Variants in CDH11 observed in about 807,000 individuals in gnomAD.
CDH11 encodes the protein cadherin-11.
CDH11 carries 11 observed loss-of-function variants against 67.8 expected under a neutral mutation model. The observed-to-expected ratio is 0.16, with a 90% CI of 0.10 to 0.27. CDH11 has a LOEUF of 0.27. Among genes scored for constraint, CDH11 ranks in the 10% least tolerant of loss-of-function variants. CDH11 has a pLI of 1.00. For synonymous variants in CDH11, 419 were observed against 400.0 expected (o/e 1.05, Z -0.57); for missense variants, 847 against 1,031.2 (o/e 0.82, Z 2.45).
intron 1 of CDH11, among the ~76,000 whole-genome samples, chr16:65,075,012 C>T (rs1490156698): frequency 6.6e-6 from 1 of 152,162 alleles, no homozygotes; most frequent in African/African-American, 2.4e-5. Flanking sequence ...ATCTTACACT[C>T]TCTAGAACAT....
intron 12 of CDH11, 103 bp downstream of exon 12, chr16:64,950,664 T>A (rs1007057130): frequency 1.9e-6 from 2 of 1,044,278 alleles, no homozygotes; most frequent in Non-Finnish European, 2.6e-6. Context: ...TCGACAGTCA[T>A]AACAGGGTCC....
At position 64,946,361 on chromosome 16, in the gene CDH11, T is replaced by TG. The variant is rs35874660; in HGVS notation, c.*1241dup. ...TCCCCCAGTTCCCCAGTGCTCAGTGTGGGGCATAGAATGTATACCTGGAAC... is the reference window on the plus strand; with the variant it reads ...TCCCCCAGTTCCCCAGTGCTCAGTGTGGGGGCATAGAATGTATACCTGGAAC... On this transcript the variant is annotated 3_prime_UTR_variant, in exon 13 of 13. Transcript: ENST00000268603. 309,403 of 1,036,978 alleles carry TG rather than the reference T, an allele frequency of 0.3. 48,471 individuals are homozygous for TG. Among genetic ancestry groups the TG allele is most frequent in the East Asian group, 0.34 (5,957 of 17,306 alleles). The allele number at this position is 1,036,978 out of a possible 1,614,324, so 64.2% of individuals were successfully genotyped here.
chr16:65,060,352 T>G (rs74026238), intron 1 of CDH11, among the ~76,000 whole-genome samples: 16,778 of 137,084 alleles, frequency 0.12, 1,134 homozygotes, highest in Admixed American at 0.24. Context: ...TATATATATA[T>G]ATAGAGAGAG....
chr16:64,961,825 C>CA (rs1276778724), intron 11 of CDH11, among the ~76,000 whole-genome samples: 1 of 151,988 alleles, frequency 6.6e-6, no homozygotes, highest in Non-Finnish European at 1.5e-5. Flanking sequence ...TTGTTAGAAT[C>CA]AAAAAATTGT....
At chr16:64,970,354 A>C (rs183887226) in intron 11 of CDH11, among the ~76,000 whole-genome samples, 1 of 152,310 alleles carries the variant, frequency 6.6e-6, no homozygotes, top group Non-Finnish European at 1.5e-5. Context: ...TTTAATCATC[A>C]GCACGAAAGG....
chr16:64,994,464 G>A (rs990477737), intron 4 of CDH11, among the ~76,000 whole-genome samples: 1 of 152,090 alleles, frequency 6.6e-6, no homozygotes, highest in Admixed American at 6.5e-5. Flanking sequence ...GGTTGCCTGG[G>A]TTCGTAAGGC....
intron 2 of CDH11, among the ~76,000 whole-genome samples, chr16:65,045,303 T>G (rs952989699): frequency 7.3e-6 from 1 of 137,112 alleles, no homozygotes; most frequent in Non-Finnish European, 1.6e-5. Context: ...TGTGACCAAG[T>G]TTTTAAAAAT....
chr16:65,113,161 C>CTA (rs1209531231), intron 1 of CDH11, among the ~76,000 whole-genome samples: 5 of 151,910 alleles, frequency 3.3e-5, no homozygotes, highest in Admixed American at 1.3e-4. Flanking sequence ...TGGCACGTGC[C>CTA]TATAGTCTCA....
chr16:65,079,381 T>A (rs2074570820), intron 1 of CDH11, among the ~76,000 whole-genome samples: 1 of 152,236 alleles, frequency 6.6e-6, no homozygotes, highest in Admixed American at 6.5e-5. Context: ...AAATTAATGT[T>A]TTTTCTCAAG....
At chr16:65,114,400 G>T (rs370945938) in intron 1 of CDH11, among the ~76,000 whole-genome samples, 1 of 152,162 alleles carries the variant, frequency 6.6e-6, no homozygotes, top group Non-Finnish European at 1.5e-5. Context: ...TTTAGAGTCA[G>T]AGCAGGTTTG....
intron 2 of CDH11, among the ~76,000 whole-genome samples, chr16:65,021,889 A>AAAG (rs2073433783): frequency 6.6e-6 from 1 of 151,050 alleles, no homozygotes. Context: ...AAAAAAAAAA[A>AAAG]AAAAGAAAGA....
At chr16:65,123,518 C>A (rs2142910782), upstream of CDH11, among the ~76,000 whole-genome samples, 1 of 152,068 alleles carries the variant, frequency 6.6e-6, no homozygotes, top group East Asian at 2.0e-4. Context: ...GGGAAGGAAC[C>A]CCAGTGCGGG....
chr16:64,968,001 C>T (rs2071889771), intron 11 of CDH11, among the ~76,000 whole-genome samples: 1 of 152,168 alleles, frequency 6.6e-6, no homozygotes, highest in Non-Finnish European at 1.5e-5. Flanking sequence ...GAATTTGCCT[C>T]TTCTGAGGAT....
In CDH11 at chr16:64,945,918, C is replaced by T. The variant is rs1439791472; in HGVS notation, c.*1685G>A. 1 of 1,058,090 alleles carries T rather than the reference C, an allele frequency of 9.5e-7. No homozygotes were observed. Among genetic ancestry groups the T allele is most frequent in the East Asian group, 5.2e-5 (1 of 19,162 alleles). The allele number at this position is 1,058,090 out of a possible 1,614,324, so 65.5% of individuals were successfully genotyped here. ...TGTGTGTAGGGGGAAAGAGGGAAAG[C>T]ACTTGCAGTGTGACTTTATGTGGTC... On this transcript the variant is annotated 3_prime_UTR_variant, in exon 13 of 13. Transcript: ENST00000268603.
In CDH11 at chr16:64,947,206, A is replaced by T; in HGVS notation, c.*397T>A. 1 of 1,080,240 alleles carries T rather than the reference A, an allele frequency of 9.3e-7. No homozygotes were observed. Among genetic ancestry groups the T allele is most frequent in the Non-Finnish European group, 1.1e-6 (1 of 886,772 alleles). The allele number at this position is 1,080,240 out of a possible 1,614,324, so 66.9% of individuals were successfully genotyped here. ...AGTGTCCAGAGTTTAAGGCGAAATT[A>T]CAGCTCAGAACTGTTGTCCTTTCTA... On this transcript the variant is annotated 3_prime_UTR_variant, in exon 13 of 13. Coordinates refer to ENST00000268603, the MANE Select transcript of CDH11 (RefSeq NM_001797.4).
chr16:65,097,136 A>G (rs574804220), intron 1 of CDH11, among the ~76,000 whole-genome samples: 114 of 152,338 alleles, frequency 7.5e-4, no homozygotes, highest in African/African-American at 2.7e-3. Flanking sequence ...AGACAAACAC[A>G]CACAAACTCA....
chr16:65,113,458 T>G (rs906383057), intron 1 of CDH11, among the ~76,000 whole-genome samples: 5 of 152,106 alleles, frequency 3.3e-5, no homozygotes, highest in African/African-American at 1.2e-4. Flanking sequence ...TTGACTGGAA[T>G]AGCTAATGAT....
chr16:65,107,174 T>G (rs1247538016), intron 1 of CDH11, among the ~76,000 whole-genome samples: 2 of 152,120 alleles, frequency 1.3e-5, no homozygotes, highest in African/African-American at 4.8e-5. Flanking sequence ...AACAGAGCAA[T>G]GAAGAACACG....
intron 9 of CDH11, among the ~76,000 whole-genome samples, chr16:64,972,424 T>C (rs1346096514): frequency 1.3e-5 from 2 of 152,174 alleles, no homozygotes; most frequent in African/African-American, 2.4e-5. Context: ...TGGGAACTTG[T>C]TGGAAGCAAA....
Sources: gnomAD v4.1 joint callset for allele counts (sites outside exome capture counted in the v4.1 genomes callset) on GRCh38, gnomAD v4.1.1 for gene constraint, MANE v1.5 for transcripts, NCBI Gene and HGNC (gene_info 2026-07-23, HGNC 2026-07-21) for gene names.